SH3YL1: variants seen among roughly 807,000 people sequenced by gnomAD.
The protein encoded by SH3YL1 is SH3 domain-containing YSC84-like protein 1.
SH3YL1 carries 41 observed loss-of-function variants against 45.8 expected under a neutral mutation model. That is an observed-to-expected ratio of 0.89 (90% CI 0.70 to 1.16). The LOEUF (loss-of-function observed/expected upper bound fraction) is 1.16. SH3YL1 is among the 50% of genes most tolerant of loss of function. The pLI is 0.00. For synonymous variants in SH3YL1, 152 were observed against 151.4 expected (o/e 1.00, Z -0.03); for missense variants, 389 against 409.6 (o/e 0.95, Z 0.43).
chr2:251,808 T>C (rs1669084399), intron 2 of SH3YL1, among the ~76,000 whole-genome samples: 1 of 152,214 alleles, frequency 6.6e-6, no homozygotes, highest in Admixed American at 6.5e-5. Flanking sequence ...CAACAATTAA[T>C]ATCATGATTA....
At position 253,134 on chromosome 2, in the gene SH3YL1, T is replaced by A; in HGVS notation, c.2-19A>T. On this transcript the variant is annotated intron_variant, in intron 1 of 9. Coordinates refer to ENST00000356150, the MANE Select transcript of SH3YL1 (RefSeq NM_015677.4). ...TTATTCACTGAAACATAACAAAAGA[T>A]ATTTTAATGAAAAATTCTGCTAAAT... 7.5e-7 allele frequency: 1 copy of A among 1,331,434 alleles called. No homozygotes were observed. The highest frequency in any genetic ancestry group is 1.0e-6 in the Non-Finnish European group (1 of 965,588). The allele number at this position is 1,331,434 out of a possible 1,614,324, so 82.5% of individuals were successfully genotyped here. A position where few individuals can be genotyped will look rare whatever the true frequency, so the allele number is the denominator to read the frequency against.
At chr2:249,642 T>C in intron 3 of SH3YL1, 89 bp downstream of exon 3, 2 of 948,210 alleles carry the variant, frequency 2.1e-6, no homozygotes, top group East Asian at 2.7e-5. Context: ...GCAGGAAACC[T>C]GTCCTACTCG....
chr2:244,804 G>T (rs186672059), intron 4 of SH3YL1: 14 of 152,336 alleles, frequency 9.2e-5, no homozygotes, highest in Admixed American at 7.2e-4. Context: ...GCACTTGAGG[G>T]CTGGTCCTTA....
intron 1 of SH3YL1, among the ~76,000 whole-genome samples, chr2:257,241 T>G (rs1234756181): frequency 6.6e-6 from 1 of 152,174 alleles, no homozygotes; most frequent in African/African-American, 2.4e-5. Flanking sequence ...TTTAAGTAGG[T>G]CCCATTTGTC....
chr2:230,841 T>G, intron 7 of SH3YL1, 182 bp downstream of exon 7: 1 of 606,362 alleles, frequency 1.6e-6, no homozygotes, highest in Non-Finnish European at 2.9e-6. Context: ...ACAAATTATG[T>G]TTTTCCCTGA....
At chr2:253,409 G>T (rs1490535933) in intron 1 of SH3YL1, among the ~76,000 whole-genome samples, 1 of 152,096 alleles carries the variant, frequency 6.6e-6, no homozygotes, top group East Asian at 1.9e-4. Flanking sequence ...CCAAAACCAA[G>T]AAGGCAATGA....
In SH3YL1 at chr2:249,750, C is replaced by T; in HGVS notation, c.207G>A (p.Val69=). ...ACTTACTTCCATCTGGAAGGCGCGC[C>T]ACTACAATCCCGCTGCCTCCTCTGG... The part of the protein sequence containing the change: ...VTARGGSGIV[V]ARLPDGKWSA... The change falls in exon 3 of 10, where the codon GTG becomes GTA. Residue 69 remains valine, a synonymous_variant. Transcript: ENST00000356150. The T allele has an allele frequency of 6.4e-7, 1 of 1,551,654 alleles. No individual in the cohort carries two copies.
Position 230,023 on chromosome 2 carries a change from GC to G in SH3YL1, c.723del (p.Lys241AsnfsTer15). 1 of 1,606,066 alleles carries G rather than the reference GC, an allele frequency of 6.2e-7. No individual in the cohort carries two copies. The highest frequency in any genetic ancestry group is 1.3e-5 in the African/African-American group (1 of 74,816). On this transcript the variant is annotated frameshift_variant, in exon 8 of 10. Transcript: ENST00000356150. LOFTEE classifies it high-confidence loss of function. ...RKSSAKELPP[K>X]PLSRPQQSSA... ...GATGACTGCTGTGGTCTTGACAATGGCTTTGGAGGTAATTCTTTAGCCTGGG... is the reference window on the plus strand; with the variant it reads ...GATGACTGCTGTGGTCTTGACAATGGTTTGGAGGTAATTCTTTAGCCTGGG...
chr2:245,045 T>C (rs1668731476), intron 4 of SH3YL1, among the ~76,000 whole-genome samples: 1 of 152,110 alleles, frequency 6.6e-6, no homozygotes, highest in Admixed American at 6.5e-5. Context: ...CCGTTCTGAC[T>C]CCCTCCCTCA....
intron 4 of SH3YL1, among the ~76,000 whole-genome samples, chr2:245,112 G>A (rs572229196): frequency 1.1e-4 from 16 of 152,156 alleles, no homozygotes; most frequent in Admixed American, 3.3e-4. Flanking sequence ...GAATCAGAGA[G>A]TGCTTCATGG....
intron 6 of SH3YL1, 89 bp downstream of exon 6, chr2:233,012 A>G (rs1668116191): frequency 8.5e-7 from 1 of 1,171,370 alleles, no homozygotes; most frequent in Non-Finnish European, 1.1e-6. Context: ...TAAAAAGAAT[A>G]TATAAATGTA....
At chr2:220,395 A>C (rs2103014595) in intron 9 of SH3YL1, among the ~76,000 whole-genome samples, 1 of 152,260 alleles carries the variant, frequency 6.6e-6, no homozygotes, top group East Asian at 1.9e-4. Flanking sequence ...TAATACTGGT[A>C]TAACTACTTT....
intron 4 of SH3YL1, chr2:240,828 A>C (rs1668512529): frequency 6.6e-6 from 1 of 152,270 alleles, no homozygotes; most frequent in Non-Finnish European, 1.5e-5. Flanking sequence ...ACAACATTGG[A>C]GGCTTCACAG....
At position 219,371 on chromosome 2, in the gene SH3YL1, T is replaced by A. The variant is rs556442678; in HGVS notation, c.839-370A>T. ...GTGATGGTGTTAGAAGTGGGGTCTC[T>A]GGGGGCTGATTAGGTCATTACGTTT... On this transcript the variant is annotated intron_variant, in intron 9 of 9. Transcript: ENST00000356150. Among the ~76,000 whole-genome samples the A allele has an allele frequency of 2.0e-5, 3 of 152,264 alleles. No homozygotes were observed. In the East Asian group the frequency reaches 5.8e-4, roughly 29 times the overall value.
chr2:234,458 G>A (rs1288335465), intron 4 of SH3YL1, among the ~76,000 whole-genome samples, 186 bp from the exon 5 acceptor site: 2 of 152,146 alleles, frequency 1.3e-5, no homozygotes, highest in African/African-American at 2.4e-5. Flanking sequence ...TATTGCCACA[G>A]GTAATTACAA....
intron 1 of SH3YL1, chr2:261,221 C>T (rs1669576832): frequency 6.6e-6 from 1 of 152,156 alleles, no homozygotes; most frequent in Non-Finnish European, 1.5e-5. Context: ...CCCATTTTTC[C>T]TCTGCTGTAC....
chr2:233,834 C>T (rs1026946433), intron 5 of SH3YL1, among the ~76,000 whole-genome samples: 1 of 152,140 alleles, frequency 6.6e-6, no homozygotes, highest in Non-Finnish European at 1.5e-5. Flanking sequence ...CTTTCCTAAT[C>T]GAAGCTTAAC....
At position 224,843 on chromosome 2, in the gene SH3YL1, C is replaced by A; in HGVS notation, c.838+21G>T. 8 of 1,540,528 alleles carry A rather than the reference C, an allele frequency of 5.2e-6. No individual in the cohort carries two copies. The South Asian group carries it at 7.8e-5, about 15-fold the overall frequency. On this transcript the variant is annotated intron_variant, in intron 9 of 9. Coordinates refer to ENST00000356150, the MANE Select transcript of SH3YL1 (RefSeq NM_015677.4). ...CAAAATGAATATGAATCATTTATAACATATAGATTTACTGATTTACCAACT... is the reference window on the plus strand; with the variant it reads ...CAAAATGAATATGAATCATTTATAAAATATAGATTTACTGATTTACCAACT...
At chr2:219,148 A>C in intron 9 of SH3YL1, 147 bp from the exon 10 acceptor site, 1 of 558,976 alleles carries the variant, frequency 1.8e-6, no homozygotes, top group Non-Finnish European at 3.1e-6. Context: ...TGTAATTTTC[A>C]TCACATTATT....
Sources: allele counts gnomAD v4.1 joint callset (sites outside exome capture counted in the v4.1 genomes callset), GRCh38; gene constraint gnomAD v4.1.1; transcripts MANE v1.5; gene names NCBI Gene and HGNC (gene_info 2026-07-23, HGNC 2026-07-21).